The following NADK variants were observed in gnomAD, a reference collection of about 807,000 sequenced individuals.
The protein encoded by NADK is NAD kinase.
NADK carries 22 observed loss-of-function variants against 49.8 expected under a neutral mutation model. The ratio of observed to expected loss-of-function variants is 0.44; its 90% CI spans 0.32 to 0.63. The LOEUF is 0.63. Ranked by LOEUF, NADK falls within the 30% of genes least tolerant of loss-of-function variation. NADK has a pLI of 0.06. For synonymous variants in NADK, 268 were observed against 253.7 expected, an observed-to-expected ratio of 1.06 and a Z score of -0.54; for missense variants, 438 against 609.4, an observed-to-expected ratio of 0.72 and a Z score of 2.96.
At chr1:1,766,410 C>CAAA in intron 1 of NADK, among the ~76,000 whole-genome samples, 3 of 26,998 alleles carry the variant, frequency 1.1e-4, no homozygotes, top group Non-Finnish European at 2.9e-4. Flanking sequence ...AACTCCGTCT[C>CAAA]AAAAAAAAAA....
At chr1:1,777,456 T>C (rs1441768798) in intron 1 of NADK, among the ~76,000 whole-genome samples, 1 of 152,158 alleles carries the variant, frequency 6.6e-6, no homozygotes, top group Non-Finnish European at 1.5e-5. Context: ...CAGAGAGACA[T>C]GGAACACAAG....
Position 1,754,262 on chromosome 1 carries a change from A to T in NADK, c.943+22T>A, listed in dbSNP as rs1367736904. On this transcript the variant is annotated intron_variant, in intron 9 of 11. Transcript: ENST00000341426. This position sits in a 1 kb window ranked among gnomAD's most constrained non-coding sequence, Gnocchi z 4.3. ...CCGCCCGAGGGACGCTCAGGGCCCC[A>T]GGACAGTGCTGCGGGCCTTACCGTC... is the stretch of plus-strand genomic sequence containing the variant. 1 of 1,613,342 alleles carries T rather than the reference A, an allele frequency of 6.2e-7. No individual in the cohort carries two copies. The highest frequency in any genetic ancestry group is 1.3e-5 in the African/African-American group (1 of 74,912).
At position 1,753,067 on chromosome 1, in the gene NADK, C is replaced by T. The variant is rs768865318; in HGVS notation, c.1185-7G>A. 1.2e-5 allele frequency: 20 copies of T among 1,605,622 alleles called. No individual in the cohort carries two copies. The highest frequency in any genetic ancestry group is 3.3e-4 in the Middle Eastern group (2 of 6,054). On this transcript the variant is annotated splice_polypyrimidine_tract_variant and splice_region_variant and intron_variant, in intron 11 of 11. Transcript: ENST00000341426. ...TGAGGTAGTGATGCTGATGCTGGGA[C>T]GGGAGAGCAGCAGCCTGAGCCAGGG...
rs1326090528 is a variant in NADK, at chr1:1,754,086, G to A, written c.1066C>T (p.Arg356Trp). 1.2e-6 allele frequency: 2 copies of A among 1,604,102 alleles called. No homozygotes were observed. Among genetic ancestry groups the A allele is most frequent in the East Asian group, 2.2e-5 (1 of 44,674 alleles). Residue 356 changes from arginine to tryptophan, a missense_variant, in exon 10 of 12, where the codon CGG (arginine) becomes TGG (tryptophan). Physicochemically the swap from Arg to Trp is moderately radical, Grantham distance 101. Coordinates refer to ENST00000341426, the MANE Select transcript of NADK (RefSeq NM_023018.5). The surrounding 1 kb of genome is among the most constrained non-coding windows in gnomAD (Gnocchi z 4.3). The part of the protein sequence containing the change: ...TPICPHSLSF[R>W]PIVVPAGVEL... ...ACCCCTGCGGGGACCACGATGGGCC[G>A]GAAGGACAGCGAGTGGGGGCAGATG...
In NADK at chr1:1,760,684, A is replaced by G. The variant is rs1202494200; in HGVS notation, c.263+1268T>C. On this transcript the variant is annotated intron_variant, in intron 3 of 11. Transcript: ENST00000341426. ...GACTCCGTGAAGGAGGAGGCCCTGA[A>G]GAGAGCCCGTTCTGCACAGAGGAAG... Among the ~76,000 whole-genome samples, 6 of 150,708 alleles carry G rather than the reference A, an allele frequency of 4.0e-5. No individual in the cohort carries two copies. In the East Asian group the frequency reaches 1.2e-3, roughly 29 times the overall value.
chr1:1,753,513 C>A, intron 11 of NADK, 54 bp downstream of exon 11: 1 of 1,521,598 alleles, frequency 6.6e-7, no homozygotes, highest in Non-Finnish European at 9.0e-7. Context: ...CAGGCGCTGC[C>A]TGGCCCGGGG....
At chr1:1,775,823 C>G (rs537825959) in intron 1 of NADK, among the ~76,000 whole-genome samples, 44 of 152,326 alleles carry the variant, frequency 2.9e-4, no homozygotes, top group African/African-American at 7.7e-4. Flanking sequence ...AATGCTAGGA[C>G]CTTTGCAATT....
intron 3 of NADK, chr1:1,761,622 C>T (rs918491502): frequency 4.9e-5 from 13 of 263,126 alleles, no homozygotes; most frequent in African/African-American, 2.1e-4. Flanking sequence ...ATGTGGAAGC[C>T]GCCACACCCA....
At chr1:1,761,377 C>T (rs746783387) in intron 3 of NADK, among the ~76,000 whole-genome samples, 9 of 152,146 alleles carry the variant, frequency 5.9e-5, no homozygotes, top group South Asian at 4.1e-4. Flanking sequence ...CTGCCTGCTT[C>T]GGACTCCCAC....
intron 3 of NADK, chr1:1,759,898 T>G: frequency 6.5e-7 from 1 of 1,550,308 alleles, no homozygotes; most frequent in Non-Finnish European, 8.7e-7. Context: ...GACAAAGGAG[T>G]GGCTCTGCCA....
chr1:1,755,035 T>C (rs1047835594), intron 7 of NADK: 2 of 402,280 alleles, frequency 5.0e-6, no homozygotes, highest in Non-Finnish European at 9.0e-6. Flanking sequence ...TTGGCCAGGA[T>C]GGTCTCATCT....
chr1:1,779,329 C>T (rs956571499), upstream of NADK: 2 of 152,384 alleles, frequency 1.3e-5, no homozygotes, highest in Non-Finnish European at 2.9e-5. Context: ...CCAGCCCGCA[C>T]TTGCTGAACT....
At chr1:1,769,767 G>C (rs1645992821) in intron 1 of NADK, among the ~76,000 whole-genome samples, 1 of 151,622 alleles carries the variant, frequency 6.6e-6, no homozygotes, top group Admixed American at 6.6e-5. Context: ...AGACATACCA[G>C]TGTTTTATTC....
At chr1:1,779,667 TTGTGTGTG>T (rs34618817), upstream of NADK, among the ~76,000 whole-genome samples, 57 of 148,696 alleles carry the variant, frequency 3.8e-4, no homozygotes, top group East Asian at 0.011. Context: ...ATATATATAT[TTGTGTGTG>T]TGTGTGTGTG....
chr1:1,758,957 T>A, intron 3 of NADK: 1 of 1,154,224 alleles, frequency 8.7e-7, no homozygotes, highest in South Asian at 1.7e-5. Flanking sequence ...GGGCGTTCCC[T>A]GCCTCCTAGC....
rs540272359 is a variant in NADK at position 1,763,918 on chromosome 1, A to G, written c.179+1310T>C. Among the ~76,000 whole-genome samples, 4 of 152,254 alleles carry G rather than the reference A, an allele frequency of 2.6e-5. No homozygotes were observed. The South Asian group carries it at 8.3e-4, about 32-fold the overall frequency. On this transcript the variant is annotated intron_variant, in intron 2 of 11. Transcript: ENST00000341426. ...AAAGAACCCACAGGAAAAAAAAATA[A>G]AACCCCAAAGCAATTCTGTTCACGC...
At chr1:1,774,126 T>C (rs1267086876) in intron 1 of NADK, among the ~76,000 whole-genome samples, 4 of 151,644 alleles carry the variant, frequency 2.6e-5, no homozygotes, top group Middle Eastern at 3.2e-3. Flanking sequence ...TAAAACCAAC[T>C]TTAAACAATT....
At chr1:1,756,140 C>T in intron 6 of NADK, 118 bp downstream of exon 6, 1 of 997,454 alleles carries the variant, frequency 1.0e-6, no homozygotes, top group Non-Finnish European at 1.6e-6. Flanking sequence ...GCTGGCCGCT[C>T]TAGGTGACTG....
intron 1 of NADK, among the ~76,000 whole-genome samples, chr1:1,777,052 TG>T (rs1276098257): frequency 3.3e-5 from 5 of 152,168 alleles, no homozygotes; most frequent in Non-Finnish European, 7.3e-5. Flanking sequence ...TAAACACGCC[TG>T]GAGGACAGAG....
Sources: gnomAD v4.1 joint callset for allele counts (sites outside exome capture counted in the v4.1 genomes callset) on GRCh38, gnomAD v4.1.1 for gene constraint, Gnocchi (gnomAD v3.1) non-coding constraint, MANE v1.5 for transcripts, NCBI Gene and HGNC (gene_info 2026-07-23, HGNC 2026-07-21) for gene names.